Variants in CACNA2D3 observed in about 807,000 individuals in gnomAD.
CACNA2D3 encodes the protein calcium voltage-gated channel auxiliary subunit alpha2delta 3.
A neutral mutation model predicts 160.6 loss-of-function variants in CACNA2D3; 60 were observed. The ratio of observed to expected loss-of-function variants is 0.37; its 90% CI spans 0.30 to 0.46. The LOEUF (loss-of-function observed/expected upper bound fraction) is 0.46. Among genes scored for constraint, CACNA2D3 ranks in the 20% least tolerant of loss-of-function variants. The pLI, the probability that CACNA2D3 is intolerant of heterozygous loss-of-function variation, is 1.00. For missense variants in CACNA2D3, 1,205 were observed against 1,365.0 expected (o/e 0.88, Z 1.85); for synonymous variants, 558 against 492.9 (o/e 1.13, Z -1.75).
chr3:54,297,996 A>G (rs1006861606), intron 2 of CACNA2D3, among the ~76,000 whole-genome samples: 2 of 152,190 alleles, frequency 1.3e-5, no homozygotes, highest in African/African-American at 4.8e-5. Context: ...TTAACAAAGC[A>G]CCTCGGGAGA....
chr3:54,123,400 A>G, intron 1 of CACNA2D3, 113 bp from the exon 2 acceptor site: 6 of 783,254 alleles, frequency 7.7e-6, no homozygotes, highest in Non-Finnish European at 1.4e-5. Flanking sequence ...CTTTTAAAAC[A>G]TGTTACATCG....
At chr3:54,640,083 G>T (rs1235917833) in intron 10 of CACNA2D3, among the ~76,000 whole-genome samples, 1 of 152,174 alleles carries the variant, frequency 6.6e-6, no homozygotes, top group South Asian at 2.1e-4. Context: ...AATGTCATCA[G>T]TTAAGGTGGG....
chr3:54,694,077 A>G (rs991905144), intron 11 of CACNA2D3, among the ~76,000 whole-genome samples: 10 of 152,206 alleles, frequency 6.6e-5, no homozygotes, highest in African/African-American at 2.2e-4. Flanking sequence ...CTTACTCACT[A>G]ACTCACCTAG....
chr3:55,011,916 G>A (rs988477250), intron 34 of CACNA2D3, among the ~76,000 whole-genome samples: 1 of 98,560 alleles, frequency 1.0e-5, no homozygotes, highest in Non-Finnish European at 2.4e-5. Flanking sequence ...TTTACTAATA[G>A]GAGTGAAAAA....
chr3:54,788,222 C>CT (rs1386838936), intron 13 of CACNA2D3, among the ~76,000 whole-genome samples: 1 of 152,118 alleles, frequency 6.6e-6, no homozygotes, highest in Non-Finnish European at 1.5e-5. Context: ...AACCTTTTAC[C>CT]TTTTTTGTAC....
chr3:54,253,940 G>C (rs1325962173), intron 2 of CACNA2D3, among the ~76,000 whole-genome samples: 2 of 151,788 alleles, frequency 1.3e-5, no homozygotes, highest in Non-Finnish European at 2.9e-5. Context: ...GCTAATTTTT[G>C]TATTTTAGTA....
intron 11 of CACNA2D3, among the ~76,000 whole-genome samples, chr3:54,655,892 T>G (rs1187865967): frequency 6.6e-6 from 1 of 152,230 alleles, no homozygotes; most frequent in Non-Finnish European, 1.5e-5. Context: ...TGGGTGGGTA[T>G]CTAGGCTTTA....
intron 11 of CACNA2D3, among the ~76,000 whole-genome samples, chr3:54,702,659 A>G (rs993573562): frequency 6.6e-6 from 1 of 152,216 alleles, no homozygotes; most frequent in Non-Finnish European, 1.5e-5. Context: ...TAGTTTAGCC[A>G]CTGTGGAAAG....
At chr3:54,215,745 CT>C (rs1322736653) in intron 2 of CACNA2D3, among the ~76,000 whole-genome samples, 1 of 152,128 alleles carries the variant, frequency 6.6e-6, no homozygotes, top group African/African-American at 2.4e-5. Context: ...CCTAGTGCCC[CT>C]AGGTGTGAAA....
chr3:54,508,538 G>A (rs1701408638), intron 5 of CACNA2D3, among the ~76,000 whole-genome samples: 1 of 152,200 alleles, frequency 6.6e-6, no homozygotes, highest in South Asian at 2.1e-4. Flanking sequence ...CTTATTGCAA[G>A]GTAAGGGAAT....
At chr3:54,216,842 C>T (rs1701471654) in intron 2 of CACNA2D3, among the ~76,000 whole-genome samples, 1 of 152,178 alleles carries the variant, frequency 6.6e-6, no homozygotes, top group African/African-American at 2.4e-5. Context: ...TTTTTTAGAG[C>T]ACCTGCTTGT....
intron 13 of CACNA2D3, among the ~76,000 whole-genome samples, chr3:54,768,013 G>T (rs1228054232): frequency 2.0e-5 from 3 of 152,180 alleles, no homozygotes; most frequent in Admixed American, 6.5e-5. Flanking sequence ...GAGTGATGGA[G>T]TTGGAAAATC....
chr3:54,190,825 C>G (rs543569125), intron 2 of CACNA2D3, among the ~76,000 whole-genome samples: 6 of 152,280 alleles, frequency 3.9e-5, no homozygotes, highest in Admixed American at 2.6e-4. Context: ...GTCTGTAGAG[C>G]TGAATTCTAA....
chr3:54,342,937 G>A (rs757396913), intron 3 of CACNA2D3, among the ~76,000 whole-genome samples: 7 of 152,140 alleles, frequency 4.6e-5, no homozygotes, highest in African/African-American at 9.7e-5. Flanking sequence ...GGGGGGGCCC[G>A]CCCTGGGTAG....
At chr3:54,710,942 C>T (rs1012652691) in intron 11 of CACNA2D3, among the ~76,000 whole-genome samples, 7 of 152,140 alleles carry the variant, frequency 4.6e-5, no homozygotes, top group African/African-American at 1.4e-4. Flanking sequence ...AATTTAATTA[C>T]AATCTGGGTA....
At chr3:54,186,769 G>C (rs1700885408) in intron 2 of CACNA2D3, among the ~76,000 whole-genome samples, 2 of 152,032 alleles carry the variant, frequency 1.3e-5, no homozygotes, top group Non-Finnish European at 2.9e-5. Context: ...AAAATAAAGT[G>C]GGTGAATTAA....
At chr3:54,854,161 T>C (rs1239536083) in intron 17 of CACNA2D3, among the ~76,000 whole-genome samples, 1 of 152,162 alleles carries the variant, frequency 6.6e-6, no homozygotes, top group Non-Finnish European at 1.5e-5. Flanking sequence ...AGTAAGTGTA[T>C]CTGCTCAGAG....
intron 3 of CACNA2D3, among the ~76,000 whole-genome samples, chr3:54,339,429 C>T (rs939156405): frequency 6.6e-6 from 1 of 152,192 alleles, no homozygotes; most frequent in Non-Finnish European, 1.5e-5. Flanking sequence ...ACCGCTGTTA[C>T]GCTATCATTT....
chr3:54,838,469 G>A, intron 15 of CACNA2D3, 99 bp from the exon 16 acceptor site: 2 of 922,278 alleles, frequency 2.2e-6, no homozygotes, highest in Non-Finnish European at 3.6e-6. Flanking sequence ...ATCAGTTTGG[G>A]GAAGGCACCA....
Sources: gnomAD v4.1 joint callset for allele counts (sites outside exome capture counted in the v4.1 genomes callset) on GRCh38, gnomAD v4.1.1 for gene constraint, MANE v1.5 for transcripts, NCBI Gene and HGNC (gene_info 2026-07-23, HGNC 2026-07-21) for gene names.